Variants in CP observed in about 807,000 individuals in gnomAD.
The protein encoded by CP is caeruloplasmin.
In CP, 64 loss-of-function variants were observed where a neutral mutation model predicts 122.4. The observed-to-expected ratio is 0.52, with a 90% CI of 0.43 to 0.64. The LOEUF is 0.64. Ranked by LOEUF, CP falls within the 30% of genes least tolerant of loss-of-function variation. CP has a pLI of 0.00. For synonymous variants in CP, 440 were observed against 436.4 expected, an observed-to-expected ratio of 1.01 and a Z score of -0.10; for missense variants, 1,167 against 1,284.4, an observed-to-expected ratio of 0.91 and a Z score of 1.40.
In CP at chr3:149,185,225, G is replaced by A; in HGVS notation, c.2285+14C>T. ...ATTACTGCTGAAATTGGGAATCAGA[G>A]TCTGGAGAATTACTTCTGCTCTTGT... On this transcript the variant is annotated intron_variant, in intron 12 of 18. Transcript: ENST00000264613. The A allele has an allele frequency of 2.5e-6, 4 of 1,611,102 alleles. No individual in the cohort carries two copies. The highest frequency in any genetic ancestry group is 3.4e-6 in the Non-Finnish European group (4 of 1,179,090).
At chr3:149,199,611 C>T (rs1393126836) in intron 8 of CP, 101 bp downstream of exon 8, 13 of 1,385,196 alleles carry the variant, frequency 9.4e-6, no homozygotes, top group Admixed American at 1.7e-5. Context: ...TGAGCGGTTT[C>T]CTTGGGAGTT....
chr3:149,203,728 C>G (rs539908604), intron 6 of CP, among the ~76,000 whole-genome samples: 4 of 152,328 alleles, frequency 2.6e-5, no homozygotes, highest in Admixed American at 2.0e-4. Flanking sequence ...GCATCAAACA[C>G]CTGCTCTTTG....
intron 2 of CP, 31 bp from the exon 3 acceptor site, chr3:149,210,410 G>A (rs1484453302): frequency 6.3e-7 from 1 of 1,584,192 alleles, no homozygotes; most frequent in East Asian, 2.2e-5. Flanking sequence ...AAGGTGCAAA[G>A]TGAATGTGTT....
intron 15 of CP, 76 bp from the exon 16 acceptor site, chr3:149,178,707 G>C: frequency 9.2e-7 from 1 of 1,084,394 alleles, no homozygotes; most frequent in South Asian, 1.3e-5. Flanking sequence ...TTGCACCCAG[G>C]GCCTCAGGAA....
intron 4 of CP, among the ~76,000 whole-genome samples, chr3:149,208,102 T>A (rs1039278617): frequency 6.6e-6 from 1 of 152,112 alleles, no homozygotes; most frequent in Non-Finnish European, 1.5e-5. Context: ...AGCTTTTTTT[T>A]AAAGATTGCA....
intron 16 of CP, 26 bp from the exon 17 acceptor site, chr3:149,178,005 T>G (rs1017630142): frequency 6.2e-6 from 10 of 1,604,182 alleles, no homozygotes; most frequent in African/African-American, 2.7e-5. Context: ...GGTTTTATGT[T>G]ACTTTTCAGG....
At position 149,185,709 on chromosome 3, in the gene CP, G is replaced by A. The variant is rs11924961; in HGVS notation, c.2078-263C>T. Among the ~76,000 whole-genome samples, 17,517 of 151,936 alleles carry A rather than the reference G, an allele frequency of 0.12. 2,938 individuals are homozygous for A. Among genetic ancestry groups the A allele is most frequent in the African/African-American group, 0.38 (15,538 of 41,356 alleles). ...TGGTTCACACCCTCATTTTATTCTCGTCTCTCCTTAAGTAGCACCTCCTGA... is the reference window on the plus strand; with the variant it reads ...TGGTTCACACCCTCATTTTATTCTCATCTCTCCTTAAGTAGCACCTCCTGA... On this transcript the variant is annotated intron_variant, in intron 11 of 18. Coordinates refer to ENST00000264613, the MANE Select transcript of CP (RefSeq NM_000096.4).
At position 149,167,228 on chromosome 3, in the gene CP, A is replaced by G. The variant is rs1211218208; in HGVS notation, c.587-1178T>C. 4.3e-6 allele frequency: 7 copies of G among 1,612,804 alleles called. No individual in the cohort carries two copies. The highest frequency in any genetic ancestry group is 5.9e-6 in the Non-Finnish European group (7 of 1,179,130). On this transcript the variant is annotated intron_variant, in intron 4 of 5. Coordinates refer to the CP transcript ENST00000479771. ...TTCCATATGCTAATCATGAACTGAA[A>G]GAAGAGAACCGGGTATGCTTTTTCA... is the stretch of plus-strand genomic sequence containing the variant.
chr3:149,212,578 C>T lies in CP; in HGVS notation c.267G>A (p.Trp89Ter). ...TGATAATAGGGCCTAAAAACCCAAG[C>T]CAGACCGGTTTTTCTATAGTTGTCC... ...TFRTTIEKPV[W>*]LGFLGPIIKA... Residue 89 changes from tryptophan to a stop codon, truncating the protein, a stop_gained, in exon 2 of 19, where the codon TGG becomes TGA. Transcript: ENST00000264613. LOFTEE classifies it high-confidence loss of function. 6.2e-7 allele frequency: 1 copy of T among 1,614,002 alleles called. No individual in the cohort carries two copies. The highest frequency in any genetic ancestry group is 8.5e-7 in the Non-Finnish European group (1 of 1,179,962).
chr3:149,178,064 A>G, intron 16 of CP, 85 bp from the exon 17 acceptor site: 1 of 1,273,126 alleles, frequency 7.9e-7, no homozygotes, highest in Non-Finnish European at 1.1e-6. Flanking sequence ...TATTAGGTTA[A>G]TGTAAAGAAT....
chr3:149,184,028 C>CTTTTTTTTTTTTT (rs869206210), intron 12 of CP, among the ~76,000 whole-genome samples: 6 of 63,562 alleles, frequency 9.4e-5, no homozygotes, highest in African/African-American at 1.2e-4. Flanking sequence ...TCACTTACTT[C>CTTTTTTTTTTTTT]TTTTTTTTTT....
intron 12 of CP, among the ~76,000 whole-genome samples, chr3:149,184,105 C>G (rs1289041876): frequency 7.7e-6 from 1 of 129,394 alleles, no homozygotes; most frequent in Non-Finnish European, 1.5e-5. Context: ...GCGTGATCTC[C>G]GCTCACTGCA....
At chr3:149,188,345 T>C in intron 9 of CP, 143 bp from the exon 10 acceptor site, 1 of 689,188 alleles carries the variant, frequency 1.5e-6, no homozygotes, top group Non-Finnish European at 2.4e-6. Flanking sequence ...CTAGGGTTCC[T>C]GAAATATTTC....
rs529873639 is a variant in CP, at chr3:149,177,564, C to T, written c.3018+276G>A. On this transcript the variant is annotated intron_variant, in intron 17 of 18. Transcript: ENST00000264613. ...AAATCATCTCTAGATTATTATAATACCTAATACAGTGCCTACATATCATTT... is the reference window on the plus strand; with the variant it reads ...AAATCATCTCTAGATTATTATAATATCTAATACAGTGCCTACATATCATTT... Among the ~76,000 whole-genome samples the T allele has an allele frequency of 3.9e-4, 59 of 152,256 alleles. 1 individual carries two copies. Among genetic ancestry groups the T allele is most frequent in the Admixed American group, 9.2e-4 (14 of 15,286 alleles).
intron 1 of CP, among the ~76,000 whole-genome samples, chr3:149,219,324 T>C (rs1559964310): frequency 6.6e-6 from 1 of 152,212 alleles, no homozygotes. Context: ...AGTATACTTT[T>C]TAAGTAACTG....
chr3:149,169,570 T>C (rs1724774662), downstream of CP, among the ~76,000 whole-genome samples: 1 of 152,194 alleles, frequency 6.6e-6, no homozygotes, highest in African/African-American at 2.4e-5. Flanking sequence ...CATTTTAGGA[T>C]ATTAAACAGT....
chr3:149,199,724 G>C lies in CP; in HGVS notation c.1489C>G (p.Pro497Ala), dbSNP rs1490785786. 6.2e-7 allele frequency: 1 copy of C among 1,614,052 alleles called. No individual in the cohort carries two copies. Among genetic ancestry groups the C allele is most frequent in the Non-Finnish European group, 8.5e-7 (1 of 1,179,996 alleles). The change falls in exon 8 of 19, where the codon CCC (proline) becomes GCC (alanine). Residue 497 changes from proline to alanine, a missense_variant. Around this residue, in one of 2 missense-constraint regions of CP, gnomAD observed 642 missense variants for 627.3 expected, o/e 1.02. Transcript: ENST00000264613. The part of the protein sequence containing the change: ...EGTYYSPNYN[P>A]QSRSVPPSAS... ...GCTGTATACTCACTTCTGCTCTGGG[G>C]GTTGTAATTTGGGGAATAGTATGTG...
Position 149,202,176 on chromosome 3 carries a change from T to C in CP, c.1274A>G (p.Tyr425Cys). 1 of 1,614,200 alleles carries C rather than the reference T, an allele frequency of 6.2e-7. No homozygotes were observed. Among genetic ancestry groups the C allele is most frequent in the Non-Finnish European group, 8.5e-7 (1 of 1,180,026 alleles). Residue 425 changes from tyrosine to cysteine, a missense_variant, in exon 7 of 19, where the codon TAT (tyrosine) becomes TGT (cysteine). Physicochemically the swap from Tyr to Cys is radical, Grantham distance 194 (BLOSUM62 -2). Around this residue, in one of 2 missense-constraint regions of CP, gnomAD observed 642 missense variants for 627.3 expected, o/e 1.02. Coordinates refer to ENST00000264613, the MANE Select transcript of CP (RefSeq NM_000096.4). ...RIGGSYKKLV[Y>C]REYTDASFTN... ...GAAGGAGGCATCTGTGTACTCACGATAAACCAGCTTTTTATAAGAGCCTCC... is the reference window on the plus strand; with the variant it reads ...GAAGGAGGCATCTGTGTACTCACGACAAACCAGCTTTTTATAAGAGCCTCC...
At chr3:149,217,302 TA>T (rs1559963070) in intron 1 of CP, among the ~76,000 whole-genome samples, 1 of 152,192 alleles carries the variant, frequency 6.6e-6, no homozygotes, top group Non-Finnish European at 1.5e-5. Context: ...AAGAATCATT[TA>T]AAAATTTAAA....
Sources: allele counts gnomAD v4.1 joint callset (sites outside exome capture counted in the v4.1 genomes callset), GRCh38; gene constraint gnomAD v4.1.1; regional missense constraint gnomAD v4.1.1; transcripts MANE v1.5; gene names NCBI Gene and HGNC (gene_info 2026-07-23, HGNC 2026-07-21).